ABCC4: variants seen among roughly 807,000 people sequenced by gnomAD.
ABCC4 encodes ATP-binding cassette sub-family C member 4.
A neutral mutation model predicts 168.5 loss-of-function variants in ABCC4; 102 were observed. The observed-to-expected ratio is 0.61, with a 90% CI of 0.52 to 0.71. The LOEUF is 0.71. Among genes scored for constraint, ABCC4 ranks in the 30% least tolerant of loss-of-function variants. The pLI is 0.00. For missense variants in ABCC4, 1,402 were observed against 1,605.8 expected (o/e 0.87, Z 2.17); for synonymous variants, 617 against 590.7 (o/e 1.04, Z -0.65).
At chr13:95,115,658 A>C (rs530556978) in intron 20 of ABCC4, among the ~76,000 whole-genome samples, 2 of 152,296 alleles carry the variant, frequency 1.3e-5, no homozygotes, top group East Asian at 3.9e-4. Flanking sequence ...CTAGAGGCAG[A>C]CGGAGAGCCA....
intron 1 of ABCC4, among the ~76,000 whole-genome samples, chr13:95,291,662 G>T (rs1354513655): frequency 6.6e-6 from 1 of 152,200 alleles, no homozygotes; most frequent in Non-Finnish European, 1.5e-5. Flanking sequence ...GACAAGCCCT[G>T]CGGACTGTGA....
chr13:95,276,901 C>A (rs2040986036), intron 1 of ABCC4, among the ~76,000 whole-genome samples: 1 of 152,074 alleles, frequency 6.6e-6, no homozygotes, highest in Non-Finnish European at 1.5e-5. Flanking sequence ...CGCCTGTAGT[C>A]CCAGCTACTT....
At chr13:95,077,453 C>T (rs1051213069) in intron 21 of ABCC4, among the ~76,000 whole-genome samples, 3 of 152,180 alleles carry the variant, frequency 2.0e-5, no homozygotes, top group African/African-American at 7.2e-5. Flanking sequence ...ATCCTCCCAC[C>T]TCAGCCTCCT....
At chr13:95,208,900 T>A (rs9516536) in intron 6 of ABCC4, among the ~76,000 whole-genome samples, 2 of 151,800 alleles carry the variant, frequency 1.3e-5, no homozygotes, top group African/African-American at 2.4e-5. Flanking sequence ...GATTACAGGC[T>A]TCAGCCACCA....
At chr13:95,110,034 C>T (rs1042375355) in intron 20 of ABCC4, among the ~76,000 whole-genome samples, 6 of 152,010 alleles carry the variant, frequency 3.9e-5, no homozygotes, top group Non-Finnish European at 7.4e-5. Context: ...ATTGGCCAGG[C>T]GTGATGGCGC....
At chr13:95,229,651 T>C (rs1020846441) in intron 4 of ABCC4, among the ~76,000 whole-genome samples, 1 of 152,224 alleles carries the variant, frequency 6.6e-6, no homozygotes, top group East Asian at 1.9e-4. Flanking sequence ...ATGCCTAATG[T>C]ATTTGATAAT....
At chr13:95,229,892 A>G (rs2039571832) in intron 4 of ABCC4, among the ~76,000 whole-genome samples, 1 of 152,156 alleles carries the variant, frequency 6.6e-6, no homozygotes, top group South Asian at 2.1e-4. Context: ...TCCAACATGG[A>G]GCCAACTCCC....
intron 19 of ABCC4, among the ~76,000 whole-genome samples, chr13:95,135,887 A>C (rs530085415): frequency 2.0e-5 from 3 of 152,360 alleles, no homozygotes; most frequent in East Asian, 3.9e-4. Context: ...TAGCAACATG[A>C]AACTATTACT....
chr13:95,193,810 G>A (rs773268527), intron 9 of ABCC4, among the ~76,000 whole-genome samples: 4 of 152,230 alleles, frequency 2.6e-5, no homozygotes, highest in Admixed American at 1.3e-4. Flanking sequence ...ACCAAGGAAG[G>A]AGGAACGAGT....
rs1169329331 is a variant in ABCC4, at chr13:95,244,613, G to GAAAAAGAAAGAAAGAAAGAAAGAAAGAA, written c.306+2361_306+2362insTTCTTTCTTTCTTTCTTTCTTTCTTTTT. Among the ~76,000 whole-genome samples, 3 of 56,750 alleles carry GAAAAAGAAAGAAAGAAAGAAAGAAAGAA rather than the reference G, an allele frequency of 5.3e-5. 1 individual carries two copies. Among genetic ancestry groups the GAAAAAGAAAGAAAGAAAGAAAGAAAGAA allele is most frequent in the African/African-American group, 3.1e-4 (3 of 9,694 alleles). The allele number at this position is 56,750 out of a possible 152,430, so 37.2% of individuals were successfully genotyped here. On this transcript the variant is annotated intron_variant, in intron 3 of 30. Transcript: ENST00000645237. ...AAATAACATGAAAGAAAGAAAGAAA[G>GAAAAAGAAAGAAAGAAAGAAAGAAAGAA]AAAGAAAGAAAGAAAGAAAGAAAGA...
At chr13:95,032,159 A>G (rs1487920881) in intron 30 of ABCC4, among the ~76,000 whole-genome samples, 1 of 152,216 alleles carries the variant, frequency 6.6e-6, no homozygotes, top group Non-Finnish European at 1.5e-5. Context: ...TTCATACACA[A>G]TGTGATTCTT....
intron 1 of ABCC4, among the ~76,000 whole-genome samples, chr13:95,278,006 G>C (rs1163144108): frequency 6.6e-6 from 1 of 152,112 alleles, no homozygotes; most frequent in Non-Finnish European, 1.5e-5. Flanking sequence ...CACCACCAAG[G>C]GGACTTGCCC....
intron 27 of ABCC4, among the ~76,000 whole-genome samples, chr13:95,045,830 C>T (rs542560153): frequency 6.6e-6 from 1 of 152,056 alleles, no homozygotes; most frequent in African/African-American, 2.4e-5. Flanking sequence ...AACAAAAAGC[C>T]AAGAGTAAAC....
At position 95,140,347 on chromosome 13, in the gene ABCC4, C is replaced by G. The variant is rs149876234; in HGVS notation, c.2455+20842G>C. On this transcript the variant is annotated intron_variant, in intron 19 of 30. Coordinates refer to ENST00000645237, the MANE Select transcript of ABCC4 (RefSeq NM_005845.5). ...GGCTACAGATTGCCCAAGGAATTTG[C>G]AAGTGCATTAAAACCTAAAGTTTTC... Among the ~76,000 whole-genome samples, 62 of 152,310 alleles carry G rather than the reference C, an allele frequency of 4.1e-4. No individual in the cohort carries two copies. In the East Asian group the frequency reaches 9.6e-3, roughly 24 times the overall value.
At chr13:95,112,308 G>A (rs1057030048) in intron 20 of ABCC4, among the ~76,000 whole-genome samples, 8 of 150,556 alleles carry the variant, frequency 5.3e-5, no homozygotes, top group Admixed American at 1.3e-4. Context: ...AGCTGAGATC[G>A]CACCATTGCA....
At chr13:95,206,482 C>A in intron 8 of ABCC4, 50 bp downstream of exon 8, 1 of 1,594,082 alleles carries the variant, frequency 6.3e-7, no homozygotes, top group Non-Finnish European at 8.6e-7. Flanking sequence ...AAGGAGACAT[C>A]ATTCTACTTC....
At chr13:95,228,696 G>A (rs66523331) in intron 4 of ABCC4, among the ~76,000 whole-genome samples, 26,591 of 151,520 alleles carry the variant, frequency 0.18, 2,430 homozygotes, top group Non-Finnish European at 0.19. Context: ...CCCGGGAGGC[G>A]GAGGTTGCAG....
At chr13:95,226,860 A>G (rs2039480805) in intron 4 of ABCC4, among the ~76,000 whole-genome samples, 1 of 152,216 alleles carries the variant, frequency 6.6e-6, no homozygotes, top group Non-Finnish European at 1.5e-5. Flanking sequence ...AATGAGGGGG[A>G]TTAAACCCGC....
intron 29 of ABCC4, among the ~76,000 whole-genome samples, chr13:95,039,020 A>C (rs957499040): frequency 2.6e-5 from 4 of 152,220 alleles, no homozygotes; most frequent in African/African-American, 9.7e-5. Context: ...ATTGGAAAAG[A>C]GAAAATAAGG....
Sources: allele counts gnomAD v4.1 joint callset (sites outside exome capture counted in the v4.1 genomes callset), GRCh38; gene constraint gnomAD v4.1.1; transcripts MANE v1.5; gene names NCBI Gene and HGNC (gene_info 2026-07-23, HGNC 2026-07-21).